CPS1: variants seen among roughly 807,000 people sequenced by gnomAD.
CPS1 encodes carbamoyl-phosphate synthase [ammonia], mitochondrial.
CPS1 carries 109 observed loss-of-function variants against 174.6 expected under a neutral mutation model. That is an observed-to-expected ratio of 0.62 (90% CI 0.53 to 0.73). CPS1 has a LOEUF of 0.73. Among genes scored for constraint, CPS1 ranks in the 30% least tolerant of loss-of-function variants. The probability of loss-of-function intolerance (pLI) is 0.00; values close to 1 mark genes in which losing one functional copy is unlikely to be tolerated. For missense variants in CPS1, 1,689 were observed against 1,821.9 expected, an observed-to-expected ratio of 0.93 and a Z score of 1.33; for synonymous variants, 637 against 632.0, an observed-to-expected ratio of 1.01 and a Z score of -0.12.
Position 210,668,886 on chromosome 2 carries a change from C to T in CPS1, c.4101+602C>T, listed in dbSNP as rs989819953. 4.6e-5 allele frequency among the ~76,000 whole-genome samples: 7 copies of T among 152,164 alleles called. 1 individual carries two copies. The highest frequency in any genetic ancestry group is 1.7e-4 in the African/African-American group (7 of 41,452). On this transcript the variant is annotated intron_variant, in intron 34 of 37. Transcript: ENST00000233072. ...TCTCCTGACCATCTCCCCTTCCTTC[C>T]TTTCATTCATTCAGTCCTTCACATT...
chr2:210,502,379 A>T (rs1253865550), intron 1 of CPS1, among the ~76,000 whole-genome samples: 25 of 54,494 alleles, frequency 4.6e-4, no homozygotes, highest in African/African-American at 7.4e-4. Context: ...ATATATATAT[A>T]TTTTTTTATA....
chr2:210,541,300 AC>A (rs1696417830), intron 1 of CPS1, among the ~76,000 whole-genome samples: 1 of 152,162 alleles, frequency 6.6e-6, no homozygotes, highest in Non-Finnish European at 1.5e-5. Context: ...GGCCAATCAA[AC>A]TGTCCTCCCA....
intron 17 of CPS1, 22 bp downstream of exon 17, chr2:210,605,268 A>T: frequency 6.2e-7 from 1 of 1,611,288 alleles, no homozygotes; most frequent in Non-Finnish European, 8.5e-7. Context: ...ATCTTCAAGA[A>T]CTATAGTAAT....
Position 210,591,904 on chromosome 2 carries a change from T to G in CPS1, c.1021T>G (p.Leu341Val), listed in dbSNP as rs138424013. ...TACTGCTCAGAATCATGGCTATGCC[T>G]TGGACAACACCCTCCCTGCTGGCTG... Reference protein sequence around the residue: ...FITAQNHGYALDNTLPAGWKP... With the variant: ...FITAQNHGYAVDNTLPAGWKP... The change falls in exon 10 of 38, where the codon TTG becomes GTG. Residue 341 changes from leucine (L) to valine (V), a missense_variant. Coordinates refer to ENST00000233072, the MANE Select transcript of CPS1 (RefSeq NM_001875.5). 1,180 of 1,612,382 alleles carry G rather than the reference T, an allele frequency of 7.3e-4. No individual in the cohort carries two copies. Among genetic ancestry groups the G allele is most frequent in the Non-Finnish European group, 9.4e-4 (1,112 of 1,179,054 alleles).
At position 210,612,177 on chromosome 2, in the gene CPS1, C is replaced by T; in HGVS notation, c.2452C>T (p.Pro818Ser). 1.9e-6 allele frequency: 3 copies of T among 1,612,104 alleles called. No individual in the cohort carries two copies. The highest frequency in any genetic ancestry group is 1.3e-5 in the African/African-American group (1 of 74,822). ...SFQKALRMCH[P>S]SIEGFTPRLP... is the part of the protein sequence containing the mutation. ...CCAGAAAGCTTTACGGATGTGCCAC[C>T]CATCTATAGAAGGTTTCACTCCCCG... The change falls in exon 20 of 38, where the codon CCA becomes TCA. Residue 818 changes from proline to serine, a missense_variant. Physicochemically the swap from Pro to Ser is moderately conservative, Grantham distance 74. Coordinates refer to ENST00000233072, the MANE Select transcript of CPS1 (RefSeq NM_001875.5).
At chr2:210,540,878 A>T (rs1262041685) in intron 1 of CPS1, among the ~76,000 whole-genome samples, 2 of 152,196 alleles carry the variant, frequency 1.3e-5, no homozygotes, top group Non-Finnish European at 2.9e-5. Flanking sequence ...CTAGTTAAGA[A>T]TCTAGGATAA....
intron 1 of CPS1, among the ~76,000 whole-genome samples, chr2:210,571,182 A>G (rs965606519): frequency 6.6e-6 from 1 of 151,966 alleles, no homozygotes; most frequent in Non-Finnish European, 1.5e-5. Flanking sequence ...TGTGCTGAGT[A>G]ACTCTAAAGT....
At chr2:210,585,256 G>T (rs1180152135) in intron 6 of CPS1, among the ~76,000 whole-genome samples, 1 of 151,796 alleles carries the variant, frequency 6.6e-6, no homozygotes, top group Non-Finnish European at 1.5e-5. Flanking sequence ...GCCAGTAAAT[G>T]GTAGTTACAG....
At chr2:210,612,970 G>A (rs1261045905) in intron 20 of CPS1, among the ~76,000 whole-genome samples, 4 of 151,946 alleles carry the variant, frequency 2.6e-5, no homozygotes. Flanking sequence ...TTTATAAAAG[G>A]TGACTTGGGC....
chr2:210,600,459 A>C, intron 14 of CPS1, 96 bp from the exon 15 acceptor site: 2 of 1,264,290 alleles, frequency 1.6e-6, no homozygotes, highest in Admixed American at 3.7e-5. Context: ...AACTTCTCGG[A>C]TTTTAAGATT....
chr2:210,576,463 C>T lies in CPS1; in HGVS notation c.354C>T (p.Ser118=). 6.2e-7 allele frequency: 1 copy of T among 1,613,564 alleles called. No homozygotes were observed. Among genetic ancestry groups the T allele is most frequent in the Admixed American group, 1.7e-5 (1 of 59,966 alleles). ...DTTALDELGL[S]KYLESNGIKV... Reference sequence around the variant, plus strand: ...CTGCTCTGGATGAACTGGGACTTAGCAAATATTTGGAGTCTAATGGAATCA... The same window carrying T: ...CTGCTCTGGATGAACTGGGACTTAGTAAATATTTGGAGTCTAATGGAATCA... The change falls in exon 3 of 38, where the codon AGC becomes AGT. Residue 118 remains serine, a synonymous_variant. Transcript: ENST00000233072.
At chr2:210,596,999 G>A (rs966050667) in intron 13 of CPS1, among the ~76,000 whole-genome samples, 54 of 151,986 alleles carry the variant, frequency 3.6e-4, no homozygotes, top group African/African-American at 1.3e-3. Flanking sequence ...TTAAAATTAA[G>A]ATTGCAATAA....
At chr2:210,597,824 A>G (rs966311685) in intron 13 of CPS1, among the ~76,000 whole-genome samples, 3 of 150,602 alleles carry the variant, frequency 2.0e-5, no homozygotes, top group Admixed American at 6.6e-5. Flanking sequence ...GAATACCTTC[A>G]TATATATACA....
intron 6 of CPS1, among the ~76,000 whole-genome samples, chr2:210,583,226 A>T (rs28499505): frequency 0.5 from 76,398 of 152,026 alleles, 19,500 homozygotes; most frequent in Middle Eastern, 0.6. Flanking sequence ...CCCTAAAGTG[A>T]AATATCTTTA....
At chr2:210,571,386 A>G (rs545229839) in intron 1 of CPS1, among the ~76,000 whole-genome samples, 2 of 152,098 alleles carry the variant, frequency 1.3e-5, no homozygotes, top group Non-Finnish European at 2.9e-5. Context: ...ACAAACACAC[A>G]TAAAATGTAC....
chr2:210,638,691 G>A (rs763292161), intron 22 of CPS1, among the ~76,000 whole-genome samples: 2 of 152,026 alleles, frequency 1.3e-5, no homozygotes, highest in African/African-American at 2.4e-5. Context: ...TTCTCCCCCC[G>A]TTCATCCCCT....
At chr2:210,652,752 C>T (rs1305275015) in intron 28 of CPS1, among the ~76,000 whole-genome samples, 1 of 152,118 alleles carries the variant, frequency 6.6e-6, no homozygotes, top group East Asian at 1.9e-4. Flanking sequence ...GGACCAAGAT[C>T]ATGGCTAGAG....
intron 1 of CPS1, among the ~76,000 whole-genome samples, chr2:210,481,012 T>C (rs980618641): frequency 6.6e-6 from 1 of 152,250 alleles, no homozygotes; most frequent in Non-Finnish European, 1.5e-5. Context: ...GTATTTCTTA[T>C]GGCACTGGCA....
chr2:210,522,702 G>A (rs1003724306), intron 1 of CPS1, among the ~76,000 whole-genome samples: 7 of 151,990 alleles, frequency 4.6e-5, no homozygotes, highest in Middle Eastern at 3.4e-3. Flanking sequence ...CACTTCTTGG[G>A]TTCATGGACC....
Sources: gnomAD v4.1 joint callset for allele counts (sites outside exome capture counted in the v4.1 genomes callset) on GRCh38, gnomAD v4.1.1 for gene constraint, MANE v1.5 for transcripts, NCBI Gene and HGNC (gene_info 2026-07-23, HGNC 2026-07-21) for gene names.